Variants in CDH13 observed in about 807,000 individuals in gnomAD.
CDH13 encodes the protein cadherin 13, also known as cadherin-13.
CDH13 carries 24 observed loss-of-function variants against 63.8 expected under a neutral mutation model. That is an observed-to-expected ratio of 0.38 (90% CI 0.27 to 0.53). The LOEUF (loss-of-function observed/expected upper bound fraction) is 0.53, where lower values mean the gene tolerates loss of function less well. Ranked by LOEUF, CDH13 falls within the 20% of genes least tolerant of loss-of-function variation. The pLI, the probability that CDH13 is intolerant of heterozygous loss-of-function variation, is 0.85. For missense variants in CDH13, 1,049 were observed against 903.1 expected, an observed-to-expected ratio of 1.16 and a Z score of -2.07; for synonymous variants, 503 against 355.3, an observed-to-expected ratio of 1.42 and a Z score of -4.67.
intron 4 of CDH13, among the ~76,000 whole-genome samples, chr16:83,145,214 C>T (rs544620523): frequency 4.3e-4 from 65 of 152,266 alleles, no homozygotes; most frequent in African/African-American, 1.4e-3. Flanking sequence ...TGAGCTGCAA[C>T]GCCACCTTGG....
chr16:83,012,639 A>G (rs1177657761), intron 2 of CDH13, among the ~76,000 whole-genome samples: 2 of 152,180 alleles, frequency 1.3e-5, no homozygotes, highest in Non-Finnish European at 2.9e-5. Flanking sequence ...CCTTGAAGAC[A>G]AACAGTTTTG....
intron 7 of CDH13, among the ~76,000 whole-genome samples, chr16:83,570,611 G>A (rs1904487497): frequency 6.6e-6 from 1 of 151,094 alleles, no homozygotes; most frequent in African/African-American, 2.4e-5. Flanking sequence ...GACGGCTGGG[G>A]AGCTCAACAG....
intron 7 of CDH13, among the ~76,000 whole-genome samples, chr16:83,491,591 A>G (rs1283760296): frequency 6.6e-6 from 1 of 150,394 alleles, no homozygotes; most frequent in Non-Finnish European, 1.5e-5. Flanking sequence ...TTCTTTTTTA[A>G]TGGAAATAGT....
intron 1 of CDH13, chr16:82,723,220 T>G (rs1210879266): frequency 6.6e-6 from 1 of 152,294 alleles, no homozygotes; most frequent in Non-Finnish European, 1.5e-5. Flanking sequence ...ATGTATCTCC[T>G]TAAATCCGTG....
chr16:83,304,401 G>C (rs1015468279), intron 5 of CDH13, among the ~76,000 whole-genome samples: 1 of 152,108 alleles, frequency 6.6e-6, no homozygotes, highest in Non-Finnish European at 1.5e-5. Flanking sequence ...AAGTGGGTGG[G>C]TTGGGGAATG....
chr16:82,808,566 A>G (rs540894978), intron 1 of CDH13, among the ~76,000 whole-genome samples: 4 of 152,352 alleles, frequency 2.6e-5, no homozygotes, highest in Admixed American at 2.6e-4. Flanking sequence ...GACATCACCA[A>G]GAAGAAGGCT....
intron 5 of CDH13, among the ~76,000 whole-genome samples, chr16:83,295,400 C>T (rs2089568189): frequency 6.6e-6 from 1 of 151,906 alleles, no homozygotes; most frequent in Admixed American, 6.6e-5. Context: ...AAAACTTCTG[C>T]ACAGCAAATG....
intron 1 of CDH13, among the ~76,000 whole-genome samples, chr16:82,717,194 C>T (rs1567460778): frequency 6.6e-6 from 1 of 151,998 alleles, no homozygotes; most frequent in Admixed American, 6.6e-5. Flanking sequence ...AACAAGGCTC[C>T]TGAACCTGGG....
At chr16:83,324,459 A>T (rs2090313534) in intron 5 of CDH13, among the ~76,000 whole-genome samples, 1 of 152,140 alleles carries the variant, frequency 6.6e-6, no homozygotes, top group African/African-American at 2.4e-5. Flanking sequence ...GTCTCTGTAG[A>T]TGTGTCTGTT....
intron 2 of CDH13, among the ~76,000 whole-genome samples, chr16:82,961,552 A>G (rs1050839421): frequency 6.7e-6 from 1 of 149,522 alleles, no homozygotes; most frequent in Admixed American, 6.7e-5. Context: ...TCTTTTGTCC[A>G]TAAGAATAAG....
At chr16:82,662,539 GAGA>G (rs955765909) in intron 1 of CDH13, among the ~76,000 whole-genome samples, 9 of 152,196 alleles carry the variant, frequency 5.9e-5, no homozygotes, top group Non-Finnish European at 1.0e-4. Flanking sequence ...GGCTTGTTGG[GAGA>G]AGAAGGGAGC....
chr16:82,799,936 G>A (rs543147640), intron 1 of CDH13, among the ~76,000 whole-genome samples: 3 of 152,270 alleles, frequency 2.0e-5, no homozygotes, highest in East Asian at 3.9e-4. Flanking sequence ...GGTAGGAACC[G>A]TGGAACCACT....
chr16:83,146,421 C>G (rs962508362), intron 4 of CDH13, among the ~76,000 whole-genome samples: 1 of 152,152 alleles, frequency 6.6e-6, no homozygotes, highest in African/African-American at 2.4e-5. Flanking sequence ...GCAGCCATGT[C>G]AGGACCAGCA....
At position 83,435,672 on chromosome 16, in the gene CDH13, T is replaced by A. The variant is rs536055036; in HGVS notation, c.782-50805T>A. On this transcript the variant is annotated intron_variant, in intron 6 of 13. Coordinates refer to ENST00000567109, the MANE Select transcript of CDH13 (RefSeq NM_001257.5). ...CCTGTACCTCACATCTAAGTCCAGA[T>A]GACTGTTGCTCAGCCTCCAGCTTCA... is the stretch of plus-strand genomic sequence containing the variant. Among the ~76,000 whole-genome samples, 7 of 152,336 alleles carry A rather than the reference T, an allele frequency of 4.6e-5. 1 individual carries two copies. The South Asian group carries it at 1.4e-3, about 32-fold the overall frequency.
At chr16:82,991,127 G>A (rs1189284018) in intron 2 of CDH13, among the ~76,000 whole-genome samples, 1 of 152,078 alleles carries the variant, frequency 6.6e-6, no homozygotes, top group African/African-American at 2.4e-5. Flanking sequence ...CTTGCACAAT[G>A]GCCTTCTCCC....
chr16:83,508,930 A>G (rs1021341758), intron 7 of CDH13, among the ~76,000 whole-genome samples: 1 of 152,002 alleles, frequency 6.6e-6, no homozygotes, highest in Non-Finnish European at 1.5e-5. Context: ...TCATGCTGCT[A>G]ATGGGTACCT....
chr16:83,741,397 A>G (rs1471388353), intron 10 of CDH13, among the ~76,000 whole-genome samples: 1 of 152,112 alleles, frequency 6.6e-6, no homozygotes, highest in Non-Finnish European at 1.5e-5. Context: ...CAGCAGGAAT[A>G]TAAAAATACC....
intron 2 of CDH13, among the ~76,000 whole-genome samples, chr16:82,895,001 A>G (rs912602971): frequency 6.6e-6 from 1 of 152,172 alleles, no homozygotes; most frequent in East Asian, 1.9e-4. Flanking sequence ...TGCCACGGTA[A>G]GGAGGTTGGA....
chr16:82,703,064 A>G lies in CDH13; in HGVS notation c.45+75927A>G, dbSNP rs2031181345. 2.0e-5 allele frequency among the ~76,000 whole-genome samples: 3 copies of G among 152,122 alleles called. No homozygotes were observed. The South Asian group carries it at 6.2e-4, about 32-fold the overall frequency. On this transcript the variant is annotated intron_variant, in intron 1 of 13. Coordinates refer to ENST00000567109, the MANE Select transcript of CDH13 (RefSeq NM_001257.5). The stretch of plus-strand genomic sequence containing the variant: ...AGCATCAGTTCATGAATGCTTGCAA[A>G]CATGCAGAGGTTACCATTGCTTATA...
Sources: allele counts gnomAD v4.1 joint callset (sites outside exome capture counted in the v4.1 genomes callset), GRCh38; gene constraint gnomAD v4.1.1; transcripts MANE v1.5; gene names NCBI Gene and HGNC (gene_info 2026-07-23, HGNC 2026-07-21).